Variants in CNTN3 observed in about 807,000 individuals in gnomAD.
CNTN3 encodes contactin-3.
CNTN3 carries 60 observed loss-of-function variants against 119.1 expected under a neutral mutation model. The ratio of observed to expected loss-of-function variants is 0.50; its 90% CI spans 0.41 to 0.62. The LOEUF (loss-of-function observed/expected upper bound fraction) is 0.62, where lower values mean the gene tolerates loss of function less well. Among genes scored for constraint, CNTN3 ranks in the 20% least tolerant of loss-of-function variants. CNTN3 has a pLI of 0.00. For missense variants in CNTN3, 1,101 were observed against 1,242.4 expected, an observed-to-expected ratio of 0.89 and a Z score of 1.71; for synonymous variants, 450 against 438.7, an observed-to-expected ratio of 1.03 and a Z score of -0.32.
At chr3:74,347,106 A>C (rs1340432495) in intron 11 of CNTN3, among the ~76,000 whole-genome samples, 2 of 152,222 alleles carry the variant, frequency 1.3e-5, no homozygotes, top group Non-Finnish European at 2.9e-5. Flanking sequence ...ACACAGTCTA[A>C]AGGCCAAGTT....
chr3:74,314,494 C>A (rs761022119), intron 13 of CNTN3, among the ~76,000 whole-genome samples: 1 of 152,076 alleles, frequency 6.6e-6, no homozygotes, highest in Non-Finnish European at 1.5e-5. Flanking sequence ...CAAAAGACAG[C>A]AGGAGTAGCT....
At chr3:74,557,452 A>G (rs1249615266) in intron 1 of CNTN3, among the ~76,000 whole-genome samples, 1 of 152,164 alleles carries the variant, frequency 6.6e-6, no homozygotes, top group Non-Finnish European at 1.5e-5. Flanking sequence ...CCTCCAGGAC[A>G]TCGTACACAC....
In CNTN3 at chr3:74,597,427, T is replaced by C. The variant is rs190503858; in HGVS notation, c.-81+16964A>G. Among the ~76,000 whole-genome samples, 67 of 152,138 alleles carry C rather than the reference T, an allele frequency of 4.4e-4. No homozygotes were observed. The East Asian group carries it at 9.9e-3, about 22-fold the overall frequency. On this transcript the variant is annotated intron_variant, in intron 1 of 22. Coordinates refer to ENST00000263665, the MANE Select transcript of CNTN3 (RefSeq NM_020872.3). ...TAACCCAGACGTGGTTCCTTCTAGC[T>C]ACTGAGCTGTGGCTTTGTGAAATGG...
intron 5 of CNTN3, among the ~76,000 whole-genome samples, chr3:74,395,465 T>C (rs1362732339): frequency 6.6e-6 from 1 of 152,122 alleles, no homozygotes; most frequent in Non-Finnish European, 1.5e-5. Flanking sequence ...AATGGGTACC[T>C]ATTTATAAAG....
At chr3:74,432,386 TAA>T (rs772802742) in intron 4 of CNTN3, among the ~76,000 whole-genome samples, 51 of 129,106 alleles carry the variant, frequency 4.0e-4, no homozygotes, top group African/African-American at 5.2e-4. Flanking sequence ...GCCAATGAGC[TAA>T]AAAAAAAAAA....
At chr3:74,538,307 A>ATG (rs1703794389) in intron 1 of CNTN3, among the ~76,000 whole-genome samples, 1 of 152,102 alleles carries the variant, frequency 6.6e-6, no homozygotes, top group Non-Finnish European at 1.5e-5. Context: ...TGCAATAAGA[A>ATG]TGTTCTTTAT....
At chr3:74,512,255 T>C (rs956515973) in intron 2 of CNTN3, among the ~76,000 whole-genome samples, 6 of 152,156 alleles carry the variant, frequency 3.9e-5, no homozygotes, top group African/African-American at 1.4e-4. Flanking sequence ...GCCTCCTATA[T>C]ACATGGCCTG....
chr3:74,435,661 G>C (rs1701854128), intron 4 of CNTN3, among the ~76,000 whole-genome samples: 2 of 152,102 alleles, frequency 1.3e-5, no homozygotes, highest in African/African-American at 4.8e-5. Context: ...CTGTGATAGA[G>C]ATTTTCTTGA....
At chr3:74,534,246 G>A (rs2107139106) in intron 1 of CNTN3, among the ~76,000 whole-genome samples, 1 of 151,970 alleles carries the variant, frequency 6.6e-6, no homozygotes, top group South Asian at 2.1e-4. Flanking sequence ...AAACAGAATA[G>A]CATGAGCCCC....
intron 11 of CNTN3, among the ~76,000 whole-genome samples, chr3:74,355,098 G>C (rs1406400387): frequency 6.6e-6 from 1 of 152,008 alleles, no homozygotes; most frequent in African/African-American, 2.4e-5. Context: ...TTTTTCAGTA[G>C]GTACTTCAAA....
chr3:74,336,730 T>C, intron 11 of CNTN3, 72 bp from the exon 12 acceptor site: 1 of 1,265,590 alleles, frequency 7.9e-7, no homozygotes, highest in Non-Finnish European at 1.1e-6. Context: ...TACATATTTT[T>C]ACAGAACATG....
chr3:74,443,241 G>T (rs1490697698), intron 4 of CNTN3, among the ~76,000 whole-genome samples: 2 of 152,074 alleles, frequency 1.3e-5, no homozygotes, highest in Admixed American at 1.3e-4. Flanking sequence ...GGAAGCCCTG[G>T]GCAGTCCCTA....
At chr3:74,405,289 C>T (rs1330134000) in intron 5 of CNTN3, among the ~76,000 whole-genome samples, 5 of 151,774 alleles carry the variant, frequency 3.3e-5, no homozygotes, top group African/African-American at 7.3e-5. Context: ...TTGAAATGCC[C>T]CCTTAATCAT....
intron 5 of CNTN3, among the ~76,000 whole-genome samples, chr3:74,392,703 C>G (rs562774170): frequency 1.5e-4 from 23 of 151,972 alleles, no homozygotes; most frequent in Non-Finnish European, 3.2e-4. Context: ...TAGAAAGATA[C>G]CAAGTGATGA....
At chr3:74,314,983 C>T (rs1432232151) in intron 13 of CNTN3, among the ~76,000 whole-genome samples, 1 of 152,092 alleles carries the variant, frequency 6.6e-6, no homozygotes, top group Non-Finnish European at 1.5e-5. Flanking sequence ...ATACGGGTCA[C>T]AAAGATCCCA....
At chr3:74,426,239 C>T (rs538767802) in intron 4 of CNTN3, among the ~76,000 whole-genome samples, 4 of 152,140 alleles carry the variant, frequency 2.6e-5, no homozygotes, top group South Asian at 4.1e-4. Flanking sequence ...AGAATTACAC[C>T]GTTAATATAC....
intron 1 of CNTN3, among the ~76,000 whole-genome samples, chr3:74,613,183 A>G (rs993465436): frequency 1.3e-5 from 2 of 150,996 alleles, no homozygotes; most frequent in Non-Finnish European, 2.9e-5. Flanking sequence ...TTTTTAATCT[A>G]TTTACAGATC....
At chr3:74,523,004 T>C (rs936866870) in intron 1 of CNTN3, among the ~76,000 whole-genome samples, 1 of 151,770 alleles carries the variant, frequency 6.6e-6, no homozygotes, top group African/African-American at 2.4e-5. Context: ...ACATTCCACC[T>C]CAATCAATCA....
At chr3:74,487,366 T>G (rs1279885104) in intron 3 of CNTN3, among the ~76,000 whole-genome samples, 5 of 152,166 alleles carry the variant, frequency 3.3e-5, no homozygotes, top group Admixed American at 3.3e-4. Context: ...TACTCATTCA[T>G]ATCCCACAAT....
Sources: allele counts gnomAD v4.1 joint callset (sites outside exome capture counted in the v4.1 genomes callset), GRCh38; gene constraint gnomAD v4.1.1; transcripts MANE v1.5; gene names NCBI Gene and HGNC (gene_info 2026-07-23, HGNC 2026-07-21).